ADAMTS16: variants seen among roughly 807,000 people sequenced by gnomAD.
ADAMTS16 encodes ADAM metallopeptidase with thrombospondin type 1 motif 16, also known as A disintegrin and metalloproteinase with thrombospondin motifs 16.
In ADAMTS16, 94 loss-of-function variants were observed where a neutral mutation model predicts 145.8. That is an observed-to-expected ratio of 0.64 (90% confidence interval 0.55 to 0.77). ADAMTS16 has a LOEUF of 0.77. Ranked by LOEUF, ADAMTS16 falls within the 30% of genes least tolerant of loss-of-function variation. The pLI, the probability that ADAMTS16 is intolerant of heterozygous loss-of-function variation, is 0.00. For synonymous variants in ADAMTS16, 659 were observed against 604.3 expected (o/e 1.09, Z -1.33); for missense variants, 1,585 against 1,591.5 (o/e 1.00, Z 0.07).
chr5:5,208,969 G>C, intron 9 of ADAMTS16, 124 bp from the exon 10 acceptor site: 1 of 1,017,648 alleles, frequency 9.8e-7, no homozygotes. Flanking sequence ...GAGAAAAAAA[G>C]TTCTCCTCTT....
chr5:5,210,163 A>G (rs996293044), intron 10 of ADAMTS16, among the ~76,000 whole-genome samples: 13 of 152,152 alleles, frequency 8.5e-5, no homozygotes, highest in Admixed American at 5.9e-4. Flanking sequence ...GCCTTTTCTT[A>G]TGGGCAGAAG....
intron 14 of ADAMTS16, among the ~76,000 whole-genome samples, chr5:5,237,429 G>A (rs969052881): frequency 4.6e-5 from 7 of 152,138 alleles, no homozygotes; most frequent in African/African-American, 1.7e-4. Context: ...AATAGAGAGG[G>A]GACGTGGTGG....
chr5:5,306,613 C>A lies in ADAMTS16; in HGVS notation c.3296C>A (p.Pro1099Gln), dbSNP rs781092819. 1.5e-5 allele frequency: 25 copies of A among 1,614,052 alleles called. No homozygotes were observed. The highest frequency in any genetic ancestry group is 6.7e-5 in the Admixed American group (4 of 60,000). Residue 1099 changes from proline to glutamine, a missense_variant, in exon 21 of 23, where the codon CCG (proline) becomes CAG (glutamine). Pro to Gln is a moderately conservative substitution (Grantham distance 76). Coordinates refer to ENST00000274181, the MANE Select transcript of ADAMTS16 (RefSeq NM_139056.4). ...GCCTCAAAGAAGTGCTCACATTTGCCGAAGCCCAGCCTGGAGCTGGAACGT... is the reference window on the plus strand; with the variant it reads ...GCCTCAAAGAAGTGCTCACATTTGCAGAAGCCCAGCCTGGAGCTGGAACGT... ...ELASKKCSHL[P>Q]KPSLELERAC...
At chr5:5,270,096 C>T (rs2126449360) in intron 18 of ADAMTS16, among the ~76,000 whole-genome samples, 1 of 152,336 alleles carries the variant, frequency 6.6e-6, no homozygotes, top group Non-Finnish European at 1.5e-5. Context: ...ACAGAAGCCT[C>T]TCTGTGAACC....
At chr5:5,197,249 G>A (rs1467164804) in intron 8 of ADAMTS16, among the ~76,000 whole-genome samples, 2 of 152,168 alleles carry the variant, frequency 1.3e-5, no homozygotes, top group East Asian at 1.9e-4. Context: ...AGCATTCTCA[G>A]TATATCATTA....
At chr5:5,151,596 TACACAC>T (rs59612284) in intron 3 of ADAMTS16, among the ~76,000 whole-genome samples, 27,736 of 150,952 alleles carry the variant, frequency 0.18, 2,767 homozygotes, top group African/African-American at 0.27. Context: ...ATGATGTTTA[TACACAC>T]ACACACGCAC....
chr5:5,146,568 C>T (rs1734303333), intron 3 of ADAMTS16, 113 bp downstream of exon 3: 2 of 1,124,408 alleles, frequency 1.8e-6, no homozygotes, highest in East Asian at 2.4e-5. Flanking sequence ...TACTGCAGCG[C>T]AGATTAAGCA....
intron 17 of ADAMTS16, among the ~76,000 whole-genome samples, chr5:5,250,624 G>T (rs1007006547): frequency 6.6e-6 from 1 of 152,166 alleles, no homozygotes; most frequent in African/African-American, 2.4e-5. Flanking sequence ...GTGGTGGAGA[G>T]GGTGCTGTTT....
chr5:5,143,313 G>A (rs1734213448), intron 2 of ADAMTS16, among the ~76,000 whole-genome samples: 1 of 152,094 alleles, frequency 6.6e-6, no homozygotes, highest in Non-Finnish European at 1.5e-5. Flanking sequence ...CAAAAAATGG[G>A]TGAAGTATAT....
At chr5:5,205,026 C>T (rs954671174) in intron 9 of ADAMTS16, among the ~76,000 whole-genome samples, 1 of 151,974 alleles carries the variant, frequency 6.6e-6, no homozygotes, top group African/African-American at 2.4e-5. Flanking sequence ...TTAATGGCCA[C>T]TTGAATAACC....
In ADAMTS16 at chr5:5,234,804, C is replaced by T. The variant is rs376935825; in HGVS notation, c.1851-210C>T. 1.6e-4 allele frequency among the ~76,000 whole-genome samples: 22 copies of T among 135,838 alleles called. No individual in the cohort carries two copies. In the South Asian group the frequency reaches 2.8e-3, roughly 17 times the overall value. The allele number at this position is 135,838 out of a possible 152,430, so 89.1% of individuals were successfully genotyped here. ...AGAATCACTTGAACCCAGGAGACAG[C>T]GGTTGCAGCGAGCCGAGATCACACT... On this transcript the variant is annotated intron_variant, in intron 12 of 22. Transcript: ENST00000274181.
intron 9 of ADAMTS16, among the ~76,000 whole-genome samples, chr5:5,205,916 C>T (rs957742787): frequency 2.6e-5 from 4 of 152,172 alleles, no homozygotes; most frequent in Non-Finnish European, 4.4e-5. Flanking sequence ...ATTTTCTTGA[C>T]ATTTATTTCA....
intron 17 of ADAMTS16, among the ~76,000 whole-genome samples, chr5:5,250,738 C>CGCGT (rs35742988): frequency 0.062 from 5,093 of 82,102 alleles, 102 homozygotes; most frequent in Middle Eastern, 0.09. Context: ...TGTGTGTGTG[C>CGCGT]GCGCACTCCT....
At chr5:5,223,071 T>C in intron 11 of ADAMTS16, 187 bp downstream of exon 11, 1 of 568,860 alleles carries the variant, frequency 1.8e-6, no homozygotes, top group Non-Finnish European at 3.1e-6. Flanking sequence ...TTTCTCACTT[T>C]TGTGAAAATA....
chr5:5,197,587 C>G (rs1043127077), intron 8 of ADAMTS16, among the ~76,000 whole-genome samples: 1 of 152,136 alleles, frequency 6.6e-6, no homozygotes, highest in East Asian at 1.9e-4. Context: ...GGGATGATAA[C>G]CATTTTAAAG....
chr5:5,236,500 T>C (rs941654346), intron 13 of ADAMTS16, among the ~76,000 whole-genome samples: 2 of 152,198 alleles, frequency 1.3e-5, no homozygotes, highest in African/African-American at 4.8e-5. Flanking sequence ...GTTATTCCTT[T>C]TATTAGTTTA....
chr5:5,152,971 T>C (rs1450351970), intron 3 of ADAMTS16, among the ~76,000 whole-genome samples: 2 of 152,242 alleles, frequency 1.3e-5, no homozygotes, highest in Admixed American at 1.3e-4. Flanking sequence ...ACCACTTTAT[T>C]ATCCCCATTT....
intron 7 of ADAMTS16, among the ~76,000 whole-genome samples, chr5:5,190,943 G>A (rs1735648417): frequency 1.3e-5 from 2 of 150,694 alleles, no homozygotes; most frequent in Non-Finnish European, 3.0e-5. Context: ...TTCCTTCTGA[G>A]GTTCTGGAAT....
intron 18 of ADAMTS16, among the ~76,000 whole-genome samples, chr5:5,292,992 G>A (rs1275355817): frequency 6.6e-6 from 1 of 152,160 alleles, no homozygotes; most frequent in Non-Finnish European, 1.5e-5. Context: ...TGTGGATGGA[G>A]GGCAAGGCAC....
Sources: allele counts gnomAD v4.1 joint callset (sites outside exome capture counted in the v4.1 genomes callset), GRCh38; gene constraint gnomAD v4.1.1; transcripts MANE v1.5; gene names NCBI Gene and HGNC (gene_info 2026-07-23, HGNC 2026-07-21).